The following RIN2 variants were observed in gnomAD, a reference collection of about 807,000 sequenced individuals.
RIN2 encodes the protein Ras and Rab interactor 2.
RIN2 carries 36 observed loss-of-function variants against 78.0 expected under a neutral mutation model. The observed-to-expected ratio is 0.46, with a 90% confidence interval of 0.35 to 0.61. The LOEUF is 0.61. RIN2 is among the 20% of genes least tolerant of loss of function. RIN2 has a pLI of 0.00. For missense variants in RIN2, 1,087 were observed against 1,159.7 expected, an observed-to-expected ratio of 0.94 and a Z score of 0.91; for synonymous variants, 466 against 466.8, an observed-to-expected ratio of 1.00 and a Z score of 0.02.
intron 4 of RIN2, among the ~76,000 whole-genome samples, chr20:19,940,616 T>C (rs189857933): frequency 1.0e-3 from 152 of 152,356 alleles, no homozygotes; most frequent in Admixed American, 1.6e-3. Flanking sequence ...GCTCCTGGTT[T>C]TCTGCTCTCT....
chr20:19,855,561 C>G (rs1159372332), intron 2 of RIN2, among the ~76,000 whole-genome samples: 1 of 152,126 alleles, frequency 6.6e-6, no homozygotes, highest in African/African-American at 2.4e-5. Context: ...CAACTTACAA[C>G]CCCTTCTGAC....
chr20:19,924,679 T>C (rs185290399), intron 3 of RIN2, among the ~76,000 whole-genome samples: 2 of 13,958 alleles, frequency 1.4e-4, no homozygotes, highest in Non-Finnish European at 2.3e-4. Flanking sequence ...TTACCCCCAC[T>C]TTCATACCCC....
chr20:19,823,329 G>C, intron 2 of RIN2: 1 of 594,976 alleles, frequency 1.7e-6, no homozygotes, highest in East Asian at 2.8e-5. Flanking sequence ...TTACTCTTTC[G>C]TGGCTGTTTG....
chr20:19,936,808 T>G (rs1021337014), intron 4 of RIN2, among the ~76,000 whole-genome samples: 7 of 152,252 alleles, frequency 4.6e-5, no homozygotes, highest in Admixed American at 6.5e-5. Context: ...TGAATGTCAC[T>G]TTGAATGCTA....
At chr20:19,799,135 A>G (rs1226561679) in intron 1 of RIN2, among the ~76,000 whole-genome samples, 1 of 152,142 alleles carries the variant, frequency 6.6e-6, no homozygotes, top group Non-Finnish European at 1.5e-5. Flanking sequence ...TCCTGAGCCC[A>G]AGCGATCCAC....
intron 1 of RIN2, among the ~76,000 whole-genome samples, chr20:19,785,277 C>CAT: frequency 7.3e-6 from 1 of 137,888 alleles, no homozygotes; most frequent in East Asian, 2.1e-4. Flanking sequence ...CCTCTACATA[C>CAT]ACACACACAC....
chr20:19,952,507 C>T (rs2146214707), intron 4 of RIN2, among the ~76,000 whole-genome samples: 1 of 152,312 alleles, frequency 6.6e-6, no homozygotes, highest in Admixed American at 6.5e-5. Flanking sequence ...TAGTCATTTG[C>T]AAAGGCAAGG....
At chr20:19,787,486 A>G (rs1188457411) in intron 1 of RIN2, among the ~76,000 whole-genome samples, 1 of 148,406 alleles carries the variant, frequency 6.7e-6, no homozygotes, top group South Asian at 2.2e-4. Context: ...GCGGGGCTAG[A>G]GGGAGAAGAT....
rs537951011 is a variant in RIN2 at position 19,763,669 on chromosome 20, G to A, written c.-163+5342G>A. Among the ~76,000 whole-genome samples the A allele has an allele frequency of 5.9e-5, 9 of 152,218 alleles. No individual in the cohort carries two copies. The South Asian group carries it at 8.3e-4, about 14-fold the overall frequency. The stretch of plus-strand genomic sequence containing the variant: ...AGAAAATAAAATTGAATTTTTTAAC[G>A]CTGTGGGTATTCCAGCCTGTGTGAG... On this transcript the variant is annotated intron_variant, in intron 1 of 12. Transcript: ENST00000255006.
intron 2 of RIN2, among the ~76,000 whole-genome samples, chr20:19,804,905 CAA>C (rs2035357047): frequency 6.6e-6 from 1 of 152,092 alleles, no homozygotes; most frequent in Non-Finnish European, 1.5e-5. Context: ...ATGACTCCCT[CAA>C]AATTTCAGAA....
chr20:19,767,574 C>T (rs2033939722), intron 1 of RIN2, among the ~76,000 whole-genome samples: 1 of 152,106 alleles, frequency 6.6e-6, no homozygotes, highest in South Asian at 2.1e-4. Context: ...CTGAGGCCCT[C>T]ATTTTGGGGT....
intron 1 of RIN2, among the ~76,000 whole-genome samples, chr20:19,775,005 T>G (rs985002903): frequency 1.3e-5 from 2 of 152,124 alleles, no homozygotes; most frequent in African/African-American, 4.8e-5. Context: ...ATGGAGGCAT[T>G]ATTTAAGGAG....
chr20:19,964,316 C>T (rs1339331064), intron 6 of RIN2, among the ~76,000 whole-genome samples: 4 of 151,906 alleles, frequency 2.6e-5, no homozygotes, highest in African/African-American at 9.7e-5. Flanking sequence ...CGCTATAATG[C>T]CCAGACTGGT....
intron 2 of RIN2, among the ~76,000 whole-genome samples, chr20:19,886,984 C>A (rs2038225923): frequency 6.6e-6 from 1 of 151,766 alleles, no homozygotes; most frequent in Non-Finnish European, 1.5e-5. Context: ...ATAGCTACTA[C>A]AGAAAGATCT....
chr20:19,992,512 T>C (rs2042826746), intron 11 of RIN2, among the ~76,000 whole-genome samples: 1 of 152,218 alleles, frequency 6.6e-6, no homozygotes, highest in Non-Finnish European at 1.5e-5. Flanking sequence ...CATGAAGCAG[T>C]TACTTGGGTG....
intron 2 of RIN2, among the ~76,000 whole-genome samples, chr20:19,809,006 G>A (rs532245816): frequency 1.3e-4 from 20 of 152,332 alleles, no homozygotes; most frequent in Non-Finnish European, 2.6e-4. Flanking sequence ...TGTCACCCAT[G>A]CCACAGGCCA....
At chr20:19,844,649 T>TTCTTCTTCTTCTTCTTCC (rs1568807472) in intron 2 of RIN2, among the ~76,000 whole-genome samples, 10 of 118,010 alleles carry the variant, frequency 8.5e-5, no homozygotes, top group African/African-American at 3.1e-4. Context: ...CTTCTTCTTC[T>TTCTTCTTCTTCTTCTTCC]TCTTCTTCTT....
intron 4 of RIN2, among the ~76,000 whole-genome samples, chr20:19,945,294 C>T (rs1003306823): frequency 6.6e-6 from 1 of 151,986 alleles, no homozygotes; most frequent in African/African-American, 2.4e-5. Flanking sequence ...CTATGACATG[C>T]CTTACCAAAA....
chr20:19,879,369 G>C lies in RIN2; in HGVS notation c.-36-10197G>C, dbSNP rs781085593. ...CCTTGCTAATTTCTGGAGTCTGGTTGTGTGATGGTATTAAATATTAATACC... is the reference window on the plus strand; with the variant it reads ...CCTTGCTAATTTCTGGAGTCTGGTTCTGTGATGGTATTAAATATTAATACC... On this transcript the variant is annotated intron_variant, in intron 2 of 12. Coordinates refer to ENST00000255006, the MANE Select transcript of RIN2 (RefSeq NM_018993.4). 3.3e-5 allele frequency among the ~76,000 whole-genome samples: 5 copies of C among 152,216 alleles called. No individual in the cohort carries two copies. The South Asian group carries it at 1.0e-3, about 32-fold the overall frequency.
Sources: allele counts gnomAD v4.1 joint callset (sites outside exome capture counted in the v4.1 genomes callset), GRCh38; gene constraint gnomAD v4.1.1; transcripts MANE v1.5; gene names NCBI Gene and HGNC (gene_info 2026-07-23, HGNC 2026-07-21).